Variants in BBS12 observed in about 807,000 individuals in gnomAD.
BBS12 encodes chaperonin-containing T-complex member BBS12.
Under a neutral mutation model 5.6 loss-of-function variants are expected in BBS12, and 5 were observed. That is an observed-to-expected ratio of 0.89 (90% CI 0.46 to 1.86). BBS12 has a LOEUF of 1.86. BBS12 is among the 40% of genes most tolerant of loss of function. The pLI is 0.01. For missense variants in BBS12, 748 were observed against 830.4 expected, an observed-to-expected ratio of 0.90 and a Z score of 1.22; for synonymous variants, 308 against 306.8, an observed-to-expected ratio of 1.00 and a Z score of -0.04.
the BBS12 span, among the ~76,000 whole-genome samples, chr4:122,702,155 G>A: frequency 6.6e-6 from 1 of 152,144 alleles, no homozygotes; most frequent in Non-Finnish European, 1.5e-5. Context: ...ACAGCTCACT[G>A]CAGCCTTGAA....
chr4:122,737,591 A>G lies in BBS12; in HGVS notation c.-10-4292A>G, dbSNP rs13143495. On this transcript the variant is annotated intron_variant, in intron 1 of 1. Coordinates refer to ENST00000314218, the MANE Select transcript of BBS12 (RefSeq NM_152618.3). ...AATGAAAAACAAAACCCAAAAGTCA[A>G]TCTTTTCAAGCTTGTCCTTTCAACA... Among the ~76,000 whole-genome samples the G allele has an allele frequency of 3.0e-4, 45 of 152,364 alleles. 1 individual carries two copies. In the East Asian group the frequency reaches 4.4e-3, roughly 15 times the overall value.
chr4:122,729,306 A>G (rs1800668483), upstream of BBS12: 1 of 152,292 alleles, frequency 6.6e-6, no homozygotes, highest in Non-Finnish European at 1.5e-5. Flanking sequence ...AGTCTCTTCA[A>G]AAGAAGTGTT....
At chr4:122,739,786 C>G (rs1800838505) in intron 1 of BBS12, among the ~76,000 whole-genome samples, 1 of 152,226 alleles carries the variant, frequency 6.6e-6, no homozygotes, top group African/African-American at 2.4e-5. Flanking sequence ...TCTGCAATGA[C>G]AAGCTGTCTC....
At chr4:122,713,907 G>A in the BBS12 span, among the ~76,000 whole-genome samples, 44 of 152,124 alleles carry the variant, frequency 2.9e-4, no homozygotes, top group Non-Finnish European at 5.4e-4. Flanking sequence ...ACAATTGCTG[G>A]TGGGTATGTA....
At chr4:122,715,148 T>TAC in the BBS12 span, among the ~76,000 whole-genome samples, 46 of 151,630 alleles carry the variant, frequency 3.0e-4, no homozygotes, top group Non-Finnish European at 3.4e-4. Flanking sequence ...AGATAATATT[T>TAC]ACACACACAC....
upstream of BBS12, chr4:122,729,952 A>G (rs1486367092): frequency 1.3e-5 from 2 of 152,226 alleles, no homozygotes; most frequent in African/African-American, 2.4e-5. Flanking sequence ...GTCTCAAAAA[A>G]TATATAAATA....
the BBS12 span, among the ~76,000 whole-genome samples, chr4:122,707,040 C>CTT: frequency 1.1e-5 from 1 of 88,640 alleles, no homozygotes; most frequent in African/African-American, 6.3e-5. Context: ...TTCATTTTGT[C>CTT]TCTCTCTCTC....
the BBS12 span, among the ~76,000 whole-genome samples, chr4:122,709,566 G>A: frequency 1.3e-5 from 2 of 152,128 alleles, no homozygotes; most frequent in Admixed American, 1.3e-4. Flanking sequence ...TCTTAATAAT[G>A]ATCATAATAA....
the BBS12 span, among the ~76,000 whole-genome samples, chr4:122,714,268 C>G: frequency 1.3e-5 from 2 of 152,168 alleles, no homozygotes; most frequent in African/African-American, 4.8e-5. Flanking sequence ...CCCTGTTATC[C>G]TTGGTACCTT....
chr4:122,709,253 T>G, the BBS12 span, among the ~76,000 whole-genome samples: 1 of 152,198 alleles, frequency 6.6e-6, no homozygotes, highest in Admixed American at 6.5e-5. Flanking sequence ...CAGGGTTTTG[T>G]GATTTTGGTC....
At chr4:122,711,621 C>T in the BBS12 span, among the ~76,000 whole-genome samples, 27 of 152,160 alleles carry the variant, frequency 1.8e-4, no homozygotes, top group African/African-American at 6.5e-4. Context: ...ATCACAACTA[C>T]AAAAGATTAA....
the BBS12 span, among the ~76,000 whole-genome samples, chr4:122,716,463 G>A: frequency 7.0e-6 from 1 of 142,036 alleles, no homozygotes; most frequent in Non-Finnish European, 1.5e-5. Flanking sequence ...ATCATCTGAG[G>A]AAAACAACAG....
chr4:122,730,301 G>A (rs968097466), upstream of BBS12: 2 of 152,198 alleles, frequency 1.3e-5, no homozygotes, highest in Non-Finnish European at 2.9e-5. Flanking sequence ...TCTCAAAAGA[G>A]CAGCTAGAAT....
At chr4:122,719,959 T>C in the BBS12 span, among the ~76,000 whole-genome samples, 2 of 152,226 alleles carry the variant, frequency 1.3e-5, no homozygotes, top group Non-Finnish European at 2.9e-5. Flanking sequence ...GATCCTCTTA[T>C]ATCTTATCCA....
chr4:122,727,553 T>TTTTTTTTC, the BBS12 span, among the ~76,000 whole-genome samples: 3 of 99,050 alleles, frequency 3.0e-5, no homozygotes, highest in African/African-American at 1.6e-4. Flanking sequence ...AATTTTTTTT[T>TTTTTTTTC]TTTTTTTTTT....
chr4:122,719,223 G>A, the BBS12 span, among the ~76,000 whole-genome samples: 225 of 152,172 alleles, frequency 1.5e-3, no homozygotes, highest in African/African-American at 5.3e-3. Flanking sequence ...AATTGTAAAC[G>A]CACCAATCAG....
Position 122,742,771 on chromosome 4 carries a change from A to C in BBS12, c.879A>C (p.Gln293His). Residue 293 changes from glutamine (Q) to histidine (H), a missense_variant, in exon 2 of 2, where the codon CAA becomes CAC. Physicochemically the swap from Gln to His is conservative, Grantham distance 24. Coordinates refer to ENST00000314218, the MANE Select transcript of BBS12 (RefSeq NM_152618.3). ...MKLVEEAVQL[Q>H]YQNACVQQGN... ...TAGTAGAAGAAGCAGTACAGCTGCA[A>C]TATCAGAATGCTTGTGTGCAACAAG... 6.2e-7 allele frequency: 1 copy of C among 1,614,266 alleles called. No individual in the cohort carries two copies. The highest frequency in any genetic ancestry group is 8.5e-7 in the Non-Finnish European group (1 of 1,180,048).
chr4:122,716,704 T>TGC, the BBS12 span, among the ~76,000 whole-genome samples: 20,070 of 131,594 alleles, frequency 0.15, 4,926 homozygotes, highest in East Asian at 0.48. Context: ...TGTGTGTGTA[T>TGC]ACATACACAT....
chr4:122,725,897 C>CAAAAAAAAAA, the BBS12 span, among the ~76,000 whole-genome samples: 1 of 52,526 alleles, frequency 1.9e-5, no homozygotes, highest in Admixed American at 2.5e-4. Context: ...GACTCTGTCT[C>CAAAAAAAAAA]AAAAAAAAAA....
Sources: gnomAD v4.1 joint callset for allele counts (sites outside exome capture counted in the v4.1 genomes callset) on GRCh38, gnomAD v4.1.1 for gene constraint, MANE v1.5 for transcripts, NCBI Gene and HGNC (gene_info 2026-07-23, HGNC 2026-07-21) for gene names.